VAV2: variants seen among roughly 807,000 people sequenced by gnomAD.
The protein encoded by VAV2 is guanine nucleotide exchange factor VAV2.
Under a neutral mutation model 132.5 loss-of-function variants are expected in VAV2, and 67 were observed. The observed-to-expected ratio is 0.51, with a 90% CI of 0.42 to 0.62. The LOEUF is 0.62. VAV2 is among the 20% of genes least tolerant of loss of function. VAV2 has a pLI of 0.00. For missense variants in VAV2, 938 were observed against 1,153.6 expected (o/e 0.81, Z 2.71); for synonymous variants, 492 against 443.5 (o/e 1.11, Z -1.37).
At position 133,891,490 on chromosome 9, in the gene VAV2, G is replaced by A. The variant is rs140454144; in HGVS notation, c.322-30058C>T. Among the ~76,000 whole-genome samples, 14 of 16,550 alleles carry A rather than the reference G, an allele frequency of 8.5e-4. 1 individual carries two copies. Among genetic ancestry groups the A allele is most frequent in the Non-Finnish European group, 2.1e-3 (14 of 6,532 alleles). The allele number at this position is 16,550 out of a possible 152,430, so 10.9% of individuals were successfully genotyped here. A position where few individuals can be genotyped will look rare whatever the true frequency, so the allele number is the denominator to read the frequency against. ...GGGATGGAGGGGGAGGGATGAAGGG[G>A]GACAGATAGAGGAGAAGGATGGAGG... On this transcript the variant is annotated intron_variant, in intron 2 of 29. Coordinates refer to ENST00000371850, the MANE Select transcript of VAV2 (RefSeq NM_001134398.2).
At chr9:133,917,507 A>G (rs539827233) in intron 2 of VAV2, among the ~76,000 whole-genome samples, 42 of 147,846 alleles carry the variant, frequency 2.8e-4, no homozygotes, top group African/African-American at 1.0e-3. Context: ...ACAAAGACGC[A>G]TAACCTCCAA....
chr9:133,963,436 G>A (rs1842027639), intron 1 of VAV2, among the ~76,000 whole-genome samples: 1 of 152,176 alleles, frequency 6.6e-6, no homozygotes, highest in South Asian at 2.1e-4. Context: ...GCTCGCTAAG[G>A]GTGTGTGTCA....
intron 2 of VAV2, among the ~76,000 whole-genome samples, chr9:133,911,117 C>T (rs912925307): frequency 2.0e-5 from 3 of 152,206 alleles, no homozygotes; most frequent in Non-Finnish European, 4.4e-5. Context: ...CTGATCTCTA[C>T]AGTTTCATAT....
chr9:133,868,299 C>T (rs564059465), intron 2 of VAV2, among the ~76,000 whole-genome samples: 2 of 152,198 alleles, frequency 1.3e-5, no homozygotes, highest in African/African-American at 2.4e-5. Flanking sequence ...TGAGGTGGGG[C>T]GCGGTGGGGA....
chr9:133,870,169 C>T (rs928360581), intron 2 of VAV2, among the ~76,000 whole-genome samples: 4 of 152,078 alleles, frequency 2.6e-5, no homozygotes, highest in Non-Finnish European at 5.9e-5. Flanking sequence ...CAAAAGCGAG[C>T]AGGAAAGGCA....
At chr9:133,842,937 G>C (rs573460107) in intron 3 of VAV2, among the ~76,000 whole-genome samples, 1 of 152,366 alleles carries the variant, frequency 6.6e-6, no homozygotes, top group Non-Finnish European at 1.5e-5. Context: ...TTTAATTATT[G>C]AGGGAGTCAC....
intron 12 of VAV2, 49 bp downstream of exon 12, chr9:133,795,619 G>A (rs376146293): frequency 1.4e-5 from 23 of 1,603,886 alleles, no homozygotes; most frequent in East Asian, 2.2e-5. Flanking sequence ...CCAAGAACAC[G>A]GGCTAAGCCA....
chr9:133,892,594 C>T (rs2519774), intron 2 of VAV2, among the ~76,000 whole-genome samples: 149,255 of 152,170 alleles, frequency 0.98, 73,267 homozygotes, highest in East Asian at 1. Flanking sequence ...GCACCTAACC[C>T]GCCTGGCCGT....
intron 1 of VAV2, among the ~76,000 whole-genome samples, chr9:133,958,173 C>T (rs1428242251): frequency 5.2e-5 from 7 of 135,474 alleles, no homozygotes; most frequent in Admixed American, 7.4e-5. Context: ...ACCTGACCGT[C>T]CCCCAGCCCG....
chr9:133,791,106 G>A (rs921877863), intron 13 of VAV2, among the ~76,000 whole-genome samples: 5 of 152,216 alleles, frequency 3.3e-5, no homozygotes, highest in African/African-American at 1.2e-4. Context: ...CAGTGCTGAG[G>A]TGGAGAAGCC....
At chr9:133,832,402 G>A (rs558612585) in intron 4 of VAV2, among the ~76,000 whole-genome samples, 1 of 152,256 alleles carries the variant, frequency 6.6e-6, no homozygotes, top group South Asian at 2.1e-4. Context: ...GGGGGTTGGG[G>A]CCTTATCCCT....
intron 2 of VAV2, among the ~76,000 whole-genome samples, chr9:133,917,963 G>A (rs1398466259): frequency 4.8e-5 from 6 of 125,822 alleles, no homozygotes; most frequent in African/African-American, 9.3e-5. Flanking sequence ...CCGGCCCATC[G>A]CCACTTCCAC....
Position 133,918,897 on chromosome 9 carries a change from T to A in VAV2, c.321+20206A>T, listed in dbSNP as rs371899990. ...TTCAAGCGATTCCCCTACCTCAGCC[T>A]CCCAAGTAGCTGGGATTACAGGCGT... is the stretch of plus-strand genomic sequence containing the variant. On this transcript the variant is annotated intron_variant, in intron 2 of 29. Coordinates refer to ENST00000371850, the MANE Select transcript of VAV2 (RefSeq NM_001134398.2). The surrounding 1 kb of genome is among the most constrained non-coding windows in gnomAD (Gnocchi z 4.7). Among the ~76,000 whole-genome samples, 1 of 152,014 alleles carries A rather than the reference T, an allele frequency of 6.6e-6. No individual in the cohort carries two copies. The highest frequency in any genetic ancestry group is 1.9e-4 in the East Asian group (1 of 5,172).
At chr9:133,783,482 G>A (rs1429529984) in intron 19 of VAV2, 21 bp downstream of exon 19, 3 of 1,524,030 alleles carry the variant, frequency 2.0e-6, no homozygotes, top group African/African-American at 3.0e-5. Context: ...ACTGGGGTGG[G>A]GGGGTGAGGG....
intron 1 of VAV2, among the ~76,000 whole-genome samples, chr9:133,990,652 C>A (rs1842986515): frequency 6.6e-6 from 1 of 152,220 alleles, no homozygotes; most frequent in Admixed American, 6.5e-5. Flanking sequence ...CGAGGCCCAG[C>A]CCTGCTCCCC....
At chr9:133,777,203 C>T (rs186787851) in intron 23 of VAV2, among the ~76,000 whole-genome samples, 186 bp downstream of exon 23, 149 of 152,222 alleles carry the variant, frequency 9.8e-4, no homozygotes, top group Non-Finnish European at 1.9e-3. Context: ...CAGAGGAGAG[C>T]GTGCTGCCCC....
At chr9:133,843,544 C>T (rs1001445653) in intron 3 of VAV2, among the ~76,000 whole-genome samples, 3 of 152,086 alleles carry the variant, frequency 2.0e-5, no homozygotes, top group Non-Finnish European at 2.9e-5. Context: ...AGAGTAGGAA[C>T]CCTGGCCACA....
intron 1 of VAV2, among the ~76,000 whole-genome samples, chr9:133,942,146 T>C (rs1841187220): frequency 1.3e-5 from 2 of 152,206 alleles, no homozygotes; most frequent in Admixed American, 1.3e-4. Context: ...ACGTTATGTG[T>C]ATTTTACCAC....
intron 4 of VAV2, among the ~76,000 whole-genome samples, chr9:133,831,499 A>G (rs1323486060): frequency 6.6e-6 from 1 of 152,134 alleles, no homozygotes; most frequent in Non-Finnish European, 1.5e-5. Context: ...CTGACTCTCC[A>G]GGCAGAAATC....
Sources: allele counts gnomAD v4.1 joint callset (sites outside exome capture counted in the v4.1 genomes callset), GRCh38; gene constraint gnomAD v4.1.1; non-coding constraint Gnocchi (gnomAD v3.1); transcripts MANE v1.5; gene names NCBI Gene and HGNC (gene_info 2026-07-23, HGNC 2026-07-21).